Variants in TMPRSS11B observed in about 807,000 individuals in gnomAD.
TMPRSS11B encodes the protein transmembrane protease serine 11B.
In TMPRSS11B, 53 loss-of-function variants were observed where a neutral mutation model predicts 44.7. That is an observed-to-expected ratio of 1.19 (90% CI 0.95 to 1.49). TMPRSS11B has a LOEUF of 1.49. Ranked by LOEUF, TMPRSS11B falls within the 40% of genes most tolerant of loss-of-function variation. The pLI is 0.00. For missense variants in TMPRSS11B, 526 were observed against 494.8 expected, an observed-to-expected ratio of 1.06 and a Z score of -0.60; for synonymous variants, 140 against 159.2, an observed-to-expected ratio of 0.88 and a Z score of 0.91.
rs757420808 is a variant in TMPRSS11B at position 68,227,248 on chromosome 4, A to ATG, written c.*662_*663insCA. 1 of 152,132 alleles carries ATG rather than the reference A, an allele frequency of 6.6e-6. No individual in the cohort carries two copies. The highest frequency in any genetic ancestry group is 1.5e-5 in the Non-Finnish European group (1 of 68,020). 9.4% of individuals were successfully genotyped at this position (152,132 alleles called of 1,614,324 possible). On this transcript the variant is annotated 3_prime_UTR_variant, in exon 10 of 10. Coordinates refer to ENST00000332644, the MANE Select transcript of TMPRSS11B (RefSeq NM_182502.3). ...TAATAAAAAGTAACTCATTTGATAA[A>ATG]TCCCCTATATATGTTCTCATAGTTT...
At chr4:68,228,148 T>C in intron 9 of TMPRSS11B, 76 bp from the exon 10 acceptor site, 2 of 1,346,756 alleles carry the variant, frequency 1.5e-6, no homozygotes, top group Non-Finnish European at 2.0e-6. Flanking sequence ...GAGTTATCTG[T>C]ACCTCCTGGG....
intron 5 of TMPRSS11B, 102 bp from the exon 6 acceptor site, chr4:68,232,518 G>T: frequency 9.4e-7 from 1 of 1,064,566 alleles, no homozygotes. Context: ...ACCCAATATT[G>T]TCCAACATTT....
chr4:68,231,416 C>A (rs767529876), intron 6 of TMPRSS11B, 36 bp from the exon 7 acceptor site: 1 of 1,499,982 alleles, frequency 6.7e-7, no homozygotes, highest in Non-Finnish European at 8.9e-7. Context: ...GAGCAGGTAT[C>A]TTTGATTACG....
intron 1 of TMPRSS11B, among the ~76,000 whole-genome samples, chr4:68,245,244 C>T (rs7665124): frequency 0.73 from 110,302 of 152,032 alleles, 41,177 homozygotes; most frequent in East Asian, 0.99. Context: ...AAAACGGTAG[C>T]GTTCTTATGA....
In TMPRSS11B at chr4:68,245,658, G is replaced by C; in HGVS notation, c.-100C>G. 1 of 1,435,202 alleles carries C rather than the reference G, an allele frequency of 7.0e-7. No individual in the cohort carries two copies. Among genetic ancestry groups the C allele is most frequent in the Non-Finnish European group, 9.8e-7 (1 of 1,021,010 alleles). 88.9% of individuals were successfully genotyped at this position (1,435,202 alleles called of 1,614,324 possible). A position where few individuals can be genotyped will look rare whatever the true frequency, so the allele number is the denominator to read the frequency against. On this transcript the variant is annotated 5_prime_UTR_variant, in exon 1 of 10. Coordinates refer to ENST00000332644, the MANE Select transcript of TMPRSS11B (RefSeq NM_182502.3). ...AATGCTGGTAATAGTGATGACAAAA[G>C]TTAGAACCTTCTGACGCAGCTTTTG...
intron 2 of TMPRSS11B, among the ~76,000 whole-genome samples, chr4:68,237,668 C>G (rs551239972): frequency 1.6e-4 from 25 of 152,258 alleles, no homozygotes; most frequent in African/African-American, 6.0e-4. Flanking sequence ...CAAATATAAA[C>G]TGCTTCACGT....
chr4:68,245,494 T>C, intron 1 of TMPRSS11B, 57 bp downstream of exon 1: 1 of 1,584,250 alleles, frequency 6.3e-7, no homozygotes, highest in South Asian at 1.1e-5. Context: ...TAGAACATAC[T>C]TAATGGCAAC....
intron 2 of TMPRSS11B, 34 bp downstream of exon 2, chr4:68,241,655 G>T: frequency 7.7e-7 from 1 of 1,291,124 alleles, no homozygotes; most frequent in Non-Finnish European, 1.1e-6. Context: ...AAGATTTATA[G>T]CAAGGATGAA....
intron 8 of TMPRSS11B, 37 bp from the exon 9 acceptor site, chr4:68,228,921 A>C: frequency 6.3e-7 from 1 of 1,594,326 alleles, no homozygotes; most frequent in Non-Finnish European, 8.5e-7. Context: ...TGCAGATCTT[A>C]GACTTTGCTG....
At chr4:68,241,571 T>C in intron 2 of TMPRSS11B, 118 bp downstream of exon 2, 1 of 686,670 alleles carries the variant, frequency 1.5e-6, no homozygotes, top group Non-Finnish European at 2.4e-6. Context: ...TGTGTTGAAA[T>C]AAAATAGTAA....
At chr4:68,242,362 T>TATGTAA (rs1560445716) in intron 1 of TMPRSS11B, among the ~76,000 whole-genome samples, 1 of 23,928 alleles carries the variant, frequency 4.2e-5, no homozygotes, top group South Asian at 1.7e-3. Context: ...TAATATTATA[T>TATGTAA]TATATATAAT....
chr4:68,241,662 T>C (rs746137590), intron 2 of TMPRSS11B, 27 bp downstream of exon 2: 48 of 1,382,754 alleles, frequency 3.5e-5, no homozygotes, highest in Non-Finnish European at 6.1e-6. Context: ...ATAGCAAGGA[T>C]GAAAACTGAA....
chr4:68,227,947 A>C lies in TMPRSS11B; in HGVS notation c.1215T>G (p.Ser405=), dbSNP rs1363757762. 3 of 1,612,646 alleles carry C rather than the reference A, an allele frequency of 1.9e-6. No individual in the cohort carries two copies. The African/African-American group carries it at 4.0e-5, about 22-fold the overall frequency. Residue 405 remains serine (S), a synonymous_variant, in exon 10 of 10, where the codon TCT becomes TCG. Coordinates refer to ENST00000332644, the MANE Select transcript of TMPRSS11B (RefSeq NM_182502.3). ...TCTTGGATGTAATCCAATTGCGATA[A>C]GAAGTCACTCGAGTATAGACACCTG... ...NKPGVYTRVT[S]YRNWITSKTG... is the part of the protein sequence containing the mutation.
In TMPRSS11B at chr4:68,242,329, T is replaced by TATTATATATGTAATA. The variant is rs1461152098; in HGVS notation, c.9-526_9-525insTATTACATATATAAT. Among the ~76,000 whole-genome samples, 31 of 9,034 alleles carry TATTATATATGTAATA rather than the reference T, an allele frequency of 3.4e-3. 1 individual carries two copies. Among genetic ancestry groups the TATTATATATGTAATA allele is most frequent in the African/African-American group, 8.2e-3 (30 of 3,664 alleles). The allele number at this position is 9,034 out of a possible 152,430, so 5.9% of individuals were successfully genotyped here. A position where few individuals can be genotyped will look rare whatever the true frequency, so the allele number is the denominator to read the frequency against. The stretch of plus-strand genomic sequence containing the variant: ...TATATATAATATTATATATATAATA[T>TATTATATATGTAATA]TATATTATATATATATTATATATAA... On this transcript the variant is annotated intron_variant, in intron 1 of 9. Transcript: ENST00000332644.
In TMPRSS11B at chr4:68,227,672, G is replaced by A. The variant is rs1171170344; in HGVS notation, c.*239C>T. On this transcript the variant is annotated 3_prime_UTR_variant, in exon 10 of 10. Coordinates refer to ENST00000332644, the MANE Select transcript of TMPRSS11B (RefSeq NM_182502.3). The stretch of plus-strand genomic sequence containing the variant: ...TCCGCCTATCTCGGCCTCTCAAAGT[G>A]CTAGGATTACAGGCATGAGCCACTA... 1.7e-5 allele frequency: 3 copies of A among 176,876 alleles called. No individual in the cohort carries two copies. Among genetic ancestry groups the A allele is most frequent in the African/African-American group, 7.1e-5 (3 of 42,022 alleles). 11.0% of individuals were successfully genotyped at this position (176,876 alleles called of 1,614,324 possible).
chr4:68,242,383 T>A (rs1225238172), intron 1 of TMPRSS11B, among the ~76,000 whole-genome samples: 2 of 80,220 alleles, frequency 2.5e-5, no homozygotes, highest in Non-Finnish European at 4.4e-5. Flanking sequence ...ATTATATATA[T>A]AATATATAAT....
rs1465734364 is a variant in TMPRSS11B, at chr4:68,242,258, A to T, written c.9-454T>A. On this transcript the variant is annotated intron_variant, in intron 1 of 9. Transcript: ENST00000332644. ...TATATATTATATTATATATATTATA[A>T]TATATATAATATAATATTATATATA... Among the ~76,000 whole-genome samples the T allele has an allele frequency of 4.8e-3, 372 of 77,444 alleles. 8 individuals are homozygous for T. Among genetic ancestry groups the T allele is most frequent in the African/African-American group, 0.023 (341 of 15,028 alleles). 50.8% of individuals were successfully genotyped at this position (77,444 alleles called of 152,430 possible). A position where few individuals can be genotyped will look rare whatever the true frequency, so the allele number is the denominator to read the frequency against.
intron 2 of TMPRSS11B, among the ~76,000 whole-genome samples, chr4:68,237,752 A>G (rs1256045067): frequency 1.3e-5 from 2 of 152,206 alleles, no homozygotes; most frequent in African/African-American, 4.8e-5. Flanking sequence ...GCAGTGGATT[A>G]TGCCTATAGT....
chr4:68,234,681 A>G lies in TMPRSS11B; in HGVS notation c.309-58T>C, dbSNP rs1006772496. On this transcript the variant is annotated intron_variant, in intron 4 of 9. Coordinates refer to ENST00000332644, the MANE Select transcript of TMPRSS11B (RefSeq NM_182502.3). ...TTCTTGATCTTTTAGAGGTTTTGTG[A>G]ACACATTAAATTTCACACATTTTAA... The G allele has an allele frequency of 2.6e-6, 4 of 1,547,058 alleles. No individual in the cohort carries two copies. The African/African-American group carries it at 5.5e-5, about 21-fold the overall frequency.
Sources: gnomAD v4.1 joint callset for allele counts (sites outside exome capture counted in the v4.1 genomes callset) on GRCh38, gnomAD v4.1.1 for gene constraint, MANE v1.5 for transcripts, NCBI Gene and HGNC (gene_info 2026-07-23, HGNC 2026-07-21) for gene names.